The following PREX2 variants were observed in gnomAD, a reference collection of about 807,000 sequenced individuals.
The protein encoded by PREX2 is phosphatidylinositol-3,4,5-trisphosphate dependent Rac exchange factor 2, also known as phosphatidylinositol 3,4,5-trisphosphate-dependent Rac exchanger 2 protein.
Under a neutral mutation model 203.2 loss-of-function variants are expected in PREX2, and 107 were observed. The ratio of observed to expected loss-of-function variants is 0.53; its 90% CI spans 0.45 to 0.62. The LOEUF (loss-of-function observed/expected upper bound fraction) is 0.62, where lower values mean the gene tolerates loss of function less well. PREX2 is among the 20% of genes least tolerant of loss of function. PREX2 has a pLI of 0.00. For synonymous variants in PREX2, 672 were observed against 663.6 expected (o/e 1.01, Z -0.19); for missense variants, 1,777 against 1,955.9 (o/e 0.91, Z 1.72).
At chr8:68,209,631 T>C (rs904888727) in intron 37 of PREX2, among the ~76,000 whole-genome samples, 9 of 152,148 alleles carry the variant, frequency 5.9e-5, no homozygotes, top group African/African-American at 2.2e-4. Flanking sequence ...GTAATGTACG[T>C]GGAAGTCCAA....
chr8:68,123,779 C>T (rs1465885774), intron 30 of PREX2, among the ~76,000 whole-genome samples: 3 of 149,278 alleles, frequency 2.0e-5, no homozygotes, highest in Non-Finnish European at 4.4e-5. Context: ...AATAGCCTGC[C>T]AACCAAAAAA....
At chr8:68,052,271 C>G (rs1422943779) in intron 8 of PREX2, among the ~76,000 whole-genome samples, 1 of 152,054 alleles carries the variant, frequency 6.6e-6, no homozygotes, top group Non-Finnish European at 1.5e-5. Flanking sequence ...TAGGTTTTTC[C>G]ATCTTGGGAT....
At chr8:68,062,724 C>G (rs1808893971) in intron 11 of PREX2, among the ~76,000 whole-genome samples, 1 of 150,688 alleles carries the variant, frequency 6.6e-6, no homozygotes, top group African/African-American at 2.5e-5. Flanking sequence ...CCCATCCTGT[C>G]CTGTGATTCC....
chr8:68,086,899 C>G (rs932842624), intron 18 of PREX2, among the ~76,000 whole-genome samples: 1 of 152,040 alleles, frequency 6.6e-6, no homozygotes, highest in African/African-American at 2.4e-5. Context: ...CAGATCTGTT[C>G]TTTATAACTA....
intron 10 of PREX2, among the ~76,000 whole-genome samples, chr8:68,058,577 G>A (rs1808748578): frequency 6.6e-6 from 1 of 151,126 alleles, no homozygotes; most frequent in Non-Finnish European, 1.5e-5. Flanking sequence ...GGGATTACAG[G>A]TGCATGCCAC....
chr8:68,060,665 A>G lies in PREX2; in HGVS notation c.1239-14A>G, dbSNP rs1287168055. 2 of 1,598,638 alleles carry G rather than the reference A, an allele frequency of 1.3e-6. No individual in the cohort carries two copies. The highest frequency in any genetic ancestry group is 2.7e-5 in the African/African-American group (2 of 74,292). On this transcript the variant is annotated splice_polypyrimidine_tract_variant and intron_variant, in intron 10 of 39. Transcript: ENST00000288368. ...AATTAACCGTTTAGCTTTTTCACTG[A>G]CTTTCTCTTGCAGCGAATTTGTGTC... is the stretch of plus-strand genomic sequence containing the variant.
intron 1 of PREX2, among the ~76,000 whole-genome samples, chr8:68,006,533 A>C (rs1171874380): frequency 6.6e-6 from 1 of 152,172 alleles, no homozygotes; most frequent in East Asian, 1.9e-4. Flanking sequence ...GTGATCAGCT[A>C]CTATATGTCA....
At chr8:68,112,888 G>A (rs1810562498) in intron 25 of PREX2, among the ~76,000 whole-genome samples, 1 of 152,130 alleles carries the variant, frequency 6.6e-6, no homozygotes, top group Non-Finnish European at 1.5e-5. Flanking sequence ...TTAGCATCGT[G>A]ACTGTCATGA....
chr8:68,110,250 C>T (rs1201301086), intron 25 of PREX2, among the ~76,000 whole-genome samples: 3 of 152,128 alleles, frequency 2.0e-5, no homozygotes, highest in Non-Finnish European at 4.4e-5. Context: ...ATTGCCTGAG[C>T]TTGGTAGGAT....
At chr8:68,003,777 T>C (rs916639020) in intron 1 of PREX2, among the ~76,000 whole-genome samples, 1 of 151,482 alleles carries the variant, frequency 6.6e-6, no homozygotes, top group African/African-American at 2.4e-5. Context: ...ACTTTGGATA[T>C]CAGATTTAGA....
At chr8:68,138,748 G>A (rs1811162274) in intron 33 of PREX2, among the ~76,000 whole-genome samples, 1 of 152,086 alleles carries the variant, frequency 6.6e-6, no homozygotes, top group Non-Finnish European at 1.5e-5. Context: ...CTTTCTGCAA[G>A]TTATCATTAT....
chr8:68,143,476 C>A (rs557232855), intron 33 of PREX2, among the ~76,000 whole-genome samples: 2 of 152,126 alleles, frequency 1.3e-5, no homozygotes, highest in Non-Finnish European at 2.9e-5. Flanking sequence ...AACCATGAAC[C>A]AATTAAACCT....
chr8:68,208,848 C>T lies in PREX2; in HGVS notation c.4605-8768C>T, dbSNP rs142739895. Among the ~76,000 whole-genome samples the T allele has an allele frequency of 6.7e-3, 1,023 of 151,740 alleles. 13 individuals carry two copies. The highest frequency in any genetic ancestry group is 0.023 in the African/African-American group (955 of 41,396). ...TCACACCTGTAATCCCAGCACTTTGCGAGGCTAAGGTAGGAGGATCACTTG... is the reference window on the plus strand; with the variant it reads ...TCACACCTGTAATCCCAGCACTTTGTGAGGCTAAGGTAGGAGGATCACTTG... On this transcript the variant is annotated intron_variant, in intron 37 of 39. Transcript: ENST00000288368.
intron 3 of PREX2, among the ~76,000 whole-genome samples, chr8:68,019,894 G>A (rs934089813): frequency 3.3e-5 from 5 of 152,078 alleles, no homozygotes; most frequent in African/African-American, 1.2e-4. Flanking sequence ...TCTTTTCCCC[G>A]ACAAGTTAGT....
At chr8:68,109,713 T>A in intron 25 of PREX2, 90 bp downstream of exon 25, 1 of 1,077,110 alleles carries the variant, frequency 9.3e-7, no homozygotes, top group Non-Finnish European at 1.4e-6. Flanking sequence ...TCTCTTTAGT[T>A]ATTGGAAATT....
At chr8:68,214,392 C>A (rs1318292110) in intron 37 of PREX2, among the ~76,000 whole-genome samples, 1 of 151,872 alleles carries the variant, frequency 6.6e-6, no homozygotes. Context: ...AGAGTGAGAC[C>A]CTATCTCCAA....
At chr8:68,011,820 G>T (rs1807272700) in intron 1 of PREX2, among the ~76,000 whole-genome samples, 2 of 152,060 alleles carry the variant, frequency 1.3e-5, no homozygotes, top group South Asian at 4.1e-4. Context: ...AGATGAGTTT[G>T]TGGGAATCAA....
intron 37 of PREX2, among the ~76,000 whole-genome samples, chr8:68,209,451 A>G (rs1330182301): frequency 6.6e-6 from 1 of 152,198 alleles, no homozygotes; most frequent in Non-Finnish European, 1.5e-5. Flanking sequence ...ATAAATCTAT[A>G]GCTATATAAA....
At chr8:67,966,510 G>A (rs1805782965) in intron 1 of PREX2, among the ~76,000 whole-genome samples, 1 of 151,616 alleles carries the variant, frequency 6.6e-6, no homozygotes. Context: ...CATCAATCTG[G>A]GCAGAGCTTG....
Sources: gnomAD v4.1 joint callset for allele counts (sites outside exome capture counted in the v4.1 genomes callset) on GRCh38, gnomAD v4.1.1 for gene constraint, MANE v1.5 for transcripts, NCBI Gene and HGNC (gene_info 2026-07-23, HGNC 2026-07-21) for gene names.